Variants in DNAJB9 observed in about 807,000 individuals in gnomAD.
DNAJB9 encodes the protein dnaJ homolog subfamily B member 9.
DNAJB9 carries 12 observed loss-of-function variants against 19.2 expected under a neutral mutation model. The ratio of observed to expected loss-of-function variants is 0.62; its 90% CI spans 0.40 to 1.01. The LOEUF (loss-of-function observed/expected upper bound fraction) is 1.01, where lower values mean the gene tolerates loss of function less well. Among genes scored for constraint, DNAJB9 ranks in the 50% least tolerant of loss-of-function variants. The pLI, the probability that DNAJB9 is intolerant of heterozygous loss-of-function variation, is 0.00. For synonymous variants in DNAJB9, 83 were observed against 84.0 expected, an observed-to-expected ratio of 0.99 and a Z score of 0.07; for missense variants, 272 against 261.1, an observed-to-expected ratio of 1.04 and a Z score of -0.29.
In DNAJB9 at chr7:108,574,838, G is replaced by A. The variant is rs1356079691; in HGVS notation, c.*1485G>A. On this transcript the variant is annotated 3_prime_UTR_variant, in exon 3 of 3. Transcript: ENST00000249356. The stretch of plus-strand genomic sequence containing the variant: ...GTTTTGTTTGATAATAATAAAATTA[G>A]CTATACCTTGAATTTTGGGCTGAGG... The A allele has an allele frequency of 4.6e-5, 7 of 152,114 alleles. No homozygotes were observed. The highest frequency in any genetic ancestry group is 1.3e-4 in the Admixed American group (2 of 15,270). 9.4% of individuals were successfully genotyped at this position (152,114 alleles called of 1,614,324 possible).
In DNAJB9 at chr7:108,573,148, T is replaced by G. The variant is rs1383634317; in HGVS notation, c.467T>G (p.Phe156Cys). 9.9e-6 allele frequency: 16 copies of G among 1,613,930 alleles called. No individual in the cohort carries two copies. The highest frequency in any genetic ancestry group is 1.3e-5 in the African/African-American group (1 of 74,916). The change falls in exon 3 of 3, where the codon TTC becomes TGC. Residue 156 changes from phenylalanine to cysteine, a missense_variant. Phe to Cys is a radical substitution (Grantham distance 205). Transcript: ENST00000249356. ...DGGSSRQRHH[F>C]QEFSFGGGLF... Reference sequence around the variant, plus strand: ...GGTTCCAGTAGACAAAGGCATCATTTCCAAGAATTTTCTTTTGGAGGTGGA... The same window carrying G: ...GGTTCCAGTAGACAAAGGCATCATTGCCAAGAATTTTCTTTTGGAGGTGGA...
At chr7:108,570,755 G>T (rs1790606455) in intron 1 of DNAJB9, among the ~76,000 whole-genome samples, 1 of 152,112 alleles carries the variant, frequency 6.6e-6, no homozygotes, top group South Asian at 2.1e-4. Flanking sequence ...AGGAAAGGCC[G>T]CTGGAGAGGA....
chr7:108,573,861 A>C lies in DNAJB9; in HGVS notation c.*508A>C, dbSNP rs1194529330. 8 of 152,708 alleles carry C rather than the reference A, an allele frequency of 5.2e-5. No individual in the cohort carries two copies. In the East Asian group the frequency reaches 1.3e-3, roughly 26 times the overall value. 9.5% of individuals were successfully genotyped at this position (152,708 alleles called of 1,614,324 possible). A position where few individuals can be genotyped will look rare whatever the true frequency, so the allele number is the denominator to read the frequency against. ...TTGGTTAATTGCTACTGAAAGGTTGAGAAAGGAATGGTTTGATATTTACCA... is the reference window on the plus strand; with the variant it reads ...TTGGTTAATTGCTACTGAAAGGTTGCGAAAGGAATGGTTTGATATTTACCA... On this transcript the variant is annotated 3_prime_UTR_variant, in exon 3 of 3. Coordinates refer to ENST00000249356, the MANE Select transcript of DNAJB9 (RefSeq NM_012328.3).
intron 1 of DNAJB9, among the ~76,000 whole-genome samples, chr7:108,570,415 C>T (rs1430305552): frequency 6.6e-6 from 1 of 151,564 alleles, no homozygotes; most frequent in Non-Finnish European, 1.5e-5. Context: ...AGCCCAGCCG[C>T]CCACCGAGGC....
chr7:108,569,976 G>T lies in DNAJB9; in HGVS notation c.-138G>T, dbSNP rs1342498062. Reference sequence around the variant, plus strand: ...GAGCGCTAGGTCGGTGTACGACCGAGATTAGGGTGCGTGCCAGCTCCGGGA... The same window carrying T: ...GAGCGCTAGGTCGGTGTACGACCGATATTAGGGTGCGTGCCAGCTCCGGGA... On this transcript the variant is annotated 5_prime_UTR_variant, in exon 1 of 3. Transcript: ENST00000249356. 4.1e-6 allele frequency: 1 copy of T among 241,548 alleles called. No homozygotes were observed. Among genetic ancestry groups the T allele is most frequent in the Non-Finnish European group, 8.4e-6 (1 of 119,760 alleles). 15.0% of individuals were successfully genotyped at this position (241,548 alleles called of 1,614,324 possible). A position where few individuals can be genotyped will look rare whatever the true frequency, so the allele number is the denominator to read the frequency against.
At position 108,574,381 on chromosome 7, in the gene DNAJB9, AAT is replaced by A. The variant is rs1790670323; in HGVS notation, c.*1032_*1033del. 1 of 152,638 alleles carries A rather than the reference AAT, an allele frequency of 6.6e-6. No homozygotes were observed. Among genetic ancestry groups the A allele is most frequent in the Non-Finnish European group, 1.5e-5 (1 of 68,026 alleles). The allele number at this position is 152,638 out of a possible 1,614,324, so 9.5% of individuals were successfully genotyped here. ...CTCATACAACATTGTATGTGAGAGA[AAT>A]ATAAATATTTACAACCTGATATTCG... On this transcript the variant is annotated 3_prime_UTR_variant, in exon 3 of 3. Transcript: ENST00000249356.
In DNAJB9 at chr7:108,574,577, A is replaced by G. The variant is rs1375831917; in HGVS notation, c.*1224A>G. On this transcript the variant is annotated 3_prime_UTR_variant, in exon 3 of 3. Transcript: ENST00000249356. ...TGGTAATTTCTACTGCATTCTTACCATCCTTCTCTCACAAATTTTGATAGC... is the reference window on the plus strand; with the variant it reads ...TGGTAATTTCTACTGCATTCTTACCGTCCTTCTCTCACAAATTTTGATAGC... The G allele has an allele frequency of 2.6e-5, 4 of 152,174 alleles. No individual in the cohort carries two copies. The highest frequency in any genetic ancestry group is 5.9e-5 in the Non-Finnish European group (4 of 68,012). The allele number at this position is 152,174 out of a possible 1,614,324, so 9.4% of individuals were successfully genotyped here.
Position 108,573,086 on chromosome 7 carries a change from G to A in DNAJB9, c.405G>A (p.Lys135=). Residue 135 remains lysine, a synonymous_variant, in exon 3 of 3, where the codon AAG becomes AAA. Coordinates refer to ENST00000249356, the MANE Select transcript of DNAJB9 (RefSeq NM_012328.3). The part of the protein sequence containing the change: ...FGQNQNTGSK[K]RFENHFQTRQ... The stretch of plus-strand genomic sequence containing the variant: ...AAAACCAAAACACTGGATCCAAGAA[G>A]CGTTTTGAAAATCATTTCCAGACAC... 1 of 1,614,088 alleles carries A rather than the reference G, an allele frequency of 6.2e-7. No homozygotes were observed. Among genetic ancestry groups the A allele is most frequent in the Non-Finnish European group, 8.5e-7 (1 of 1,179,962 alleles).
At chr7:108,572,673 G>T (rs1334800057) in intron 2 of DNAJB9, among the ~76,000 whole-genome samples, 3 of 152,092 alleles carry the variant, frequency 2.0e-5, no homozygotes, top group Non-Finnish European at 4.4e-5. Flanking sequence ...ATTGCAGATG[G>T]CATTGTGCCA....
rs1335895508 is a variant in DNAJB9 at position 108,569,980 on chromosome 7, A to T, written c.-134A>T. 1 of 233,986 alleles carries T rather than the reference A, an allele frequency of 4.3e-6. No individual in the cohort carries two copies. Among genetic ancestry groups the T allele is most frequent in the Non-Finnish European group, 8.7e-6 (1 of 115,042 alleles). 14.5% of individuals were successfully genotyped at this position (233,986 alleles called of 1,614,324 possible). A position where few individuals can be genotyped will look rare whatever the true frequency, so the allele number is the denominator to read the frequency against. ...GCTAGGTCGGTGTACGACCGAGATT[A>T]GGGTGCGTGCCAGCTCCGGGAGGCC... On this transcript the variant is annotated 5_prime_UTR_variant, in exon 1 of 3. Transcript: ENST00000249356.
chr7:108,571,710 G>A lies in DNAJB9; in HGVS notation c.-10-7G>A, dbSNP rs772352939. Reference sequence around the variant, plus strand: ...TCCATAACATTTTTTTTTCTTTTCTGTTTTAGGATATTAGAAATGGCTACT... The same window carrying A: ...TCCATAACATTTTTTTTTCTTTTCTATTTTAGGATATTAGAAATGGCTACT... On this transcript the variant is annotated splice_region_variant and splice_polypyrimidine_tract_variant and intron_variant, in intron 1 of 2. Transcript: ENST00000249356. 1 of 1,599,782 alleles carries A rather than the reference G, an allele frequency of 6.3e-7. No homozygotes were observed. Among genetic ancestry groups the A allele is most frequent in the Non-Finnish European group, 8.5e-7 (1 of 1,173,606 alleles).
In DNAJB9 at chr7:108,571,861, C is replaced by T. The variant is rs748315025; in HGVS notation, c.135C>T (p.Ala45=). The change falls in exon 2 of 3, where the codon GCC becomes GCT. Residue 45 remains alanine, a synonymous_variant. Transcript: ENST00000249356. ...CATCAGAGCGCCAAATCAAGAAGGC[C>T]TTTCACAAGTTGGCCATGAAGTACC... ...KSASERQIKK[A]FHKLAMKYHP... 4.3e-6 allele frequency: 7 copies of T among 1,614,088 alleles called. No homozygotes were observed. Among genetic ancestry groups the T allele is most frequent in the Middle Eastern group, 1.6e-4 (1 of 6,062 alleles).
chr7:108,570,300 T>A (rs770481005), intron 1 of DNAJB9, among the ~76,000 whole-genome samples, 197 bp downstream of exon 1: 2 of 151,854 alleles, frequency 1.3e-5, no homozygotes, highest in Non-Finnish European at 2.9e-5. Flanking sequence ...TGGCGCCGGC[T>A]TTCACGGGCG....
intron 2 of DNAJB9, among the ~76,000 whole-genome samples, chr7:108,572,217 A>G (rs1352117019): frequency 4.6e-5 from 7 of 152,224 alleles, no homozygotes; most frequent in African/African-American, 1.2e-4. Flanking sequence ...TGTTGCTTCT[A>G]TGACAAAAAA....
Position 108,573,003 on chromosome 7 carries a change from G to GAGC in DNAJB9, c.325_327dup (p.Gln109dup). 2 of 1,614,012 alleles carry GAGC rather than the reference G, an allele frequency of 1.2e-6. No individual in the cohort carries two copies. Among genetic ancestry groups the GAGC allele is most frequent in the Non-Finnish European group, 8.5e-7 (1 of 1,179,924 alleles). On this transcript the variant is annotated inframe_insertion, in exon 3 of 3. Transcript: ENST00000249356. ...ACAAAGAGGTAGTGGAAGTTCTTTT[G>GAGC]AGCAGTCATTTAACTTCAATTTTGA...
At chr7:108,572,865 C>A in intron 2 of DNAJB9, 34 bp from the exon 3 acceptor site, 3 of 1,513,100 alleles carry the variant, frequency 2.0e-6, no homozygotes, top group South Asian at 1.2e-5. Flanking sequence ...AATATTTTAC[C>A]TTCAGTTACT....
chr7:108,572,653 TTTA>T (rs1266683514), intron 2 of DNAJB9, among the ~76,000 whole-genome samples: 3 of 152,188 alleles, frequency 2.0e-5, no homozygotes, highest in African/African-American at 7.2e-5. Context: ...ATTTAATAAC[TTTA>T]TTGAGTATTG....
chr7:108,570,079 GAGCAGC>G lies in DNAJB9; in HGVS notation c.-32_-27del, dbSNP rs1303533186. On this transcript the variant is annotated 5_prime_UTR_variant, in exon 1 of 3. Coordinates refer to ENST00000249356, the MANE Select transcript of DNAJB9 (RefSeq NM_012328.3). ...TCGCCAGCGCCTCAGCTCTGTGGAG[GAGCAGC>G]AGTAGTCGGAGGGTGCAGGTGAGGG... The G allele has an allele frequency of 1.1e-5, 2 of 179,790 alleles. No homozygotes were observed. The highest frequency in any genetic ancestry group is 2.4e-5 in the Non-Finnish European group (2 of 82,354). 11.1% of individuals were successfully genotyped at this position (179,790 alleles called of 1,614,324 possible).
chr7:108,573,061 A>G lies in DNAJB9; in HGVS notation c.380A>G (p.Gln127Arg). ...TTTAAAGACTTTGGCTTTTTTGGTC[A>G]AAACCAAAACACTGGATCCAAGAAG... ...DLFKDFGFFGQNQNTGSKKRF... is the reference protein window; with the variant it reads ...DLFKDFGFFGRNQNTGSKKRF... The change falls in exon 3 of 3, where the codon CAA becomes CGA. Residue 127 changes from glutamine to arginine, a missense_variant. Gln to Arg is a conservative substitution (Grantham distance 43). Coordinates refer to ENST00000249356, the MANE Select transcript of DNAJB9 (RefSeq NM_012328.3). 1.2e-6 allele frequency: 2 copies of G among 1,614,096 alleles called. No individual in the cohort carries two copies. The highest frequency in any genetic ancestry group is 2.2e-5 in the South Asian group (2 of 91,086).
Sources: allele counts gnomAD v4.1 joint callset (sites outside exome capture counted in the v4.1 genomes callset), GRCh38; gene constraint gnomAD v4.1.1; transcripts MANE v1.5; gene names NCBI Gene and HGNC (gene_info 2026-07-23, HGNC 2026-07-21).